Variants in SOX6 observed in about 807,000 individuals in gnomAD.
The protein encoded by SOX6 is transcription factor SOX-6.
In SOX6, 11 loss-of-function variants were observed where a neutral mutation model predicts 97.8. The observed-to-expected ratio is 0.11, with a 90% CI of 0.07 to 0.19. SOX6 has a LOEUF of 0.19. Among genes scored for constraint, SOX6 ranks in the 10% least tolerant of loss-of-function variants. The pLI is 1.00. For missense variants in SOX6, 810 were observed against 1,039.5 expected (o/e 0.78, Z 3.04); for synonymous variants, 360 against 371.4 (o/e 0.97, Z 0.35).
Position 15,973,173 on chromosome 11 carries a change from C to T in SOX6, c.2184-61G>A, listed in dbSNP as rs546607796. 2.7e-5 allele frequency: 41 copies of T among 1,535,794 alleles called. No individual in the cohort carries two copies. The South Asian group carries it at 4.3e-4, about 16-fold the overall frequency. On this transcript the variant is annotated intron_variant, in intron 15 of 15. Transcript: ENST00000683767. ...GAAATATCTATATATGTGCTATGTA[C>T]AGCATTGGAATTCACACCCTACACT...
chr11:16,090,749 G>A (rs1299304310), intron 9 of SOX6, among the ~76,000 whole-genome samples: 1 of 151,964 alleles, frequency 6.6e-6, no homozygotes, highest in Non-Finnish European at 1.5e-5. Context: ...GGATTCCACA[G>A]TAAACAAAAG....
At chr11:16,524,247 G>A (rs1285330831) in intron 4 of SOX6, among the ~76,000 whole-genome samples, 11 of 151,220 alleles carry the variant, frequency 7.3e-5, no homozygotes, top group South Asian at 2.1e-4. Context: ...CTGGCAAACC[G>A]AATCCAGCAG....
intron 2 of SOX6, among the ~76,000 whole-genome samples, chr11:16,332,709 G>A (rs1159887858): frequency 2.0e-5 from 3 of 152,110 alleles, no homozygotes; most frequent in Non-Finnish European, 2.9e-5. Flanking sequence ...GGTTTACACA[G>A]ATATATTATT....
rs115132121 is a variant in SOX6, at chr11:16,423,836, G to T, written c.-5+52479C>A. 2.4e-3 allele frequency among the ~76,000 whole-genome samples: 359 copies of T among 152,248 alleles called. 5 individuals carry two copies. Among genetic ancestry groups the T allele is most frequent in the African/African-American group, 8.1e-3 (337 of 41,546 alleles). On this transcript the variant is annotated intron_variant, in intron 1 of 15. Coordinates refer to the SOX6 transcript ENST00000396356. ...TCCTAGAAAGTACAGAGTGAAAACA[G>T]CATAGAAAGAACTAAACTTAGAGAT... is the stretch of plus-strand genomic sequence containing the variant.
chr11:16,308,360 A>G (rs973991119), intron 3 of SOX6, among the ~76,000 whole-genome samples: 1 of 152,228 alleles, frequency 6.6e-6, no homozygotes, highest in Non-Finnish European at 1.5e-5. Flanking sequence ...AGAATTTTAC[A>G]AATTGTCCTT....
At chr11:16,627,567 T>C (rs1270288674) in intron 3 of SOX6, among the ~76,000 whole-genome samples, 1 of 152,272 alleles carries the variant, frequency 6.6e-6, no homozygotes, top group African/African-American at 2.4e-5. Context: ...GGAGCATTTT[T>C]TCACGTTTTT....
chr11:16,630,573 G>A (rs1186473846), intron 3 of SOX6, among the ~76,000 whole-genome samples: 1 of 152,014 alleles, frequency 6.6e-6, no homozygotes, highest in Non-Finnish European at 1.5e-5. Context: ...TGTGGTTGAT[G>A]GGTGGATTGT....
intron 4 of SOX6, among the ~76,000 whole-genome samples, chr11:16,496,335 G>T (rs1420857478): frequency 6.6e-6 from 1 of 152,030 alleles, no homozygotes; most frequent in African/African-American, 2.4e-5. Flanking sequence ...AAAAAACAGA[G>T]GGTGGAGCCA....
At chr11:16,127,180 C>A (rs2134014518) in intron 6 of SOX6, among the ~76,000 whole-genome samples, 1 of 151,928 alleles carries the variant, frequency 6.6e-6, no homozygotes, top group South Asian at 2.1e-4. Context: ...CATAGAAATA[C>A]CTAATTTTAT....
intron 3 of SOX6, among the ~76,000 whole-genome samples, chr11:16,235,146 C>T (rs1852977888): frequency 6.6e-6 from 1 of 151,964 alleles, no homozygotes; most frequent in Non-Finnish European, 1.5e-5. Context: ...AAAAAGAAAT[C>T]TAACTTTTAT....
At chr11:16,643,543 G>T (rs560400091) in intron 3 of SOX6, among the ~76,000 whole-genome samples, 77 of 152,320 alleles carry the variant, frequency 5.1e-4, no homozygotes, top group Non-Finnish European at 3.4e-4. Flanking sequence ...AGGCCTCCTT[G>T]ACCTGTGGTG....
chr11:16,668,319 G>A (rs1161056013), intron 3 of SOX6, among the ~76,000 whole-genome samples: 1 of 152,102 alleles, frequency 6.6e-6, no homozygotes, highest in Non-Finnish European at 1.5e-5. Context: ...GCTGCAGTGA[G>A]CCAAGATCAT....
chr11:16,297,661 G>A (rs965789051), intron 3 of SOX6, among the ~76,000 whole-genome samples: 1 of 152,126 alleles, frequency 6.6e-6, no homozygotes, highest in Admixed American at 6.6e-5. Flanking sequence ...ACTACTCTCT[G>A]GCTCTAGTCA....
chr11:16,355,669 T>C (rs973316222), intron 1 of SOX6, among the ~76,000 whole-genome samples: 6 of 152,026 alleles, frequency 3.9e-5, no homozygotes, highest in African/African-American at 1.2e-4. Flanking sequence ...CCATAGTGCA[T>C]AAAATACCTT....
At chr11:16,547,429 C>T (rs1847634187) in intron 4 of SOX6, among the ~76,000 whole-genome samples, 1 of 150,970 alleles carries the variant, frequency 6.6e-6, no homozygotes, top group African/African-American at 2.4e-5. Flanking sequence ...AGTATATGTA[C>T]ACACACACAC....
At chr11:16,452,514 T>A (rs1185061524) in intron 1 of SOX6, among the ~76,000 whole-genome samples, 1 of 152,214 alleles carries the variant, frequency 6.6e-6, no homozygotes, top group African/African-American at 2.4e-5. Context: ...TAAGTTCAAA[T>A]GAAATGTTTT....
intron 3 of SOX6, among the ~76,000 whole-genome samples, chr11:16,263,981 C>A (rs187845874): frequency 7.9e-5 from 12 of 151,886 alleles, no homozygotes; most frequent in African/African-American, 2.9e-4. Context: ...CACCCACTAC[C>A]CCTATACATG....
intron 2 of SOX6, among the ~76,000 whole-genome samples, chr11:16,322,244 G>A (rs1459953197): frequency 6.6e-6 from 1 of 152,100 alleles, no homozygotes; most frequent in Non-Finnish European, 1.5e-5. Context: ...TTGGTGGGTG[G>A]TGATTAAATC....
intron 2 of SOX6, among the ~76,000 whole-genome samples, chr11:16,720,696 TAATA>T (rs1450300040): frequency 4.3e-5 from 6 of 138,646 alleles, no homozygotes; most frequent in Non-Finnish European, 8.0e-5. Flanking sequence ...AGTATAATAA[TAATA>T]AAAAAAAGAA....
Sources: allele counts gnomAD v4.1 joint callset (sites outside exome capture counted in the v4.1 genomes callset), GRCh38; gene constraint gnomAD v4.1.1; transcripts MANE v1.5; gene names NCBI Gene and HGNC (gene_info 2026-07-23, HGNC 2026-07-21).